Variants in MTA3 observed in about 807,000 individuals in gnomAD.
MTA3 encodes the protein metastasis associated 1 family member 3.
Under a neutral mutation model 83.5 loss-of-function variants are expected in MTA3, and 34 were observed. The observed-to-expected ratio is 0.41, with a 90% CI of 0.31 to 0.54. The LOEUF is 0.54. Among genes scored for constraint, MTA3 ranks in the 20% least tolerant of loss-of-function variants. MTA3 has a pLI of 0.33. For missense variants in MTA3, 761 were observed against 726.4 expected, an observed-to-expected ratio of 1.05 and a Z score of -0.55; for synonymous variants, 303 against 252.7, an observed-to-expected ratio of 1.20 and a Z score of -1.89.
chr2:42,740,448 GC>G (rs145449148), intron 16 of MTA3, among the ~76,000 whole-genome samples: 1,777 of 152,312 alleles, frequency 0.012, 31 homozygotes, highest in African/African-American at 0.041. Context: ...GGAGGTCGAG[GC>G]CCAGTGAGCC....
In MTA3 at chr2:42,650,748, A is replaced by G. The variant is rs547538692; in HGVS notation, c.500-5452A>G. ...CCTTGATTGTGTTTGTTTTTATGGT[A>G]GTACATACAACATTGTTTTGATTAC... On this transcript the variant is annotated intron_variant, in intron 6 of 16. Transcript: ENST00000405094. Among the ~76,000 whole-genome samples the G allele has an allele frequency of 2.6e-5, 4 of 152,336 alleles. No individual in the cohort carries two copies. The East Asian group carries it at 5.8e-4, about 22-fold the overall frequency.
intron 4 of MTA3, among the ~76,000 whole-genome samples, chr2:42,625,198 A>T (rs1007093326): frequency 1.3e-5 from 2 of 151,268 alleles, no homozygotes; most frequent in Non-Finnish European, 2.9e-5. Context: ...TGCCTGTCTA[A>T]TTTTTGTATT....
chr2:42,719,946 T>G (rs770397728), intron 15 of MTA3, among the ~76,000 whole-genome samples: 3 of 152,190 alleles, frequency 2.0e-5, no homozygotes, highest in Non-Finnish European at 4.4e-5. Context: ...CTCATAGTTC[T>G]TTTTCAGTAA....
intron 2 of MTA3, among the ~76,000 whole-genome samples, chr2:42,573,088 G>A (rs779645005): frequency 6.6e-6 from 1 of 152,174 alleles, no homozygotes; most frequent in African/African-American, 2.4e-5. Flanking sequence ...ATTTTCTAAT[G>A]ATGTTTTGTT....
chr2:42,540,043 T>C (rs974234001), intron 2 of MTA3, among the ~76,000 whole-genome samples: 1 of 152,100 alleles, frequency 6.6e-6, no homozygotes, highest in Non-Finnish European at 1.5e-5. Flanking sequence ...TGGCTGGAAA[T>C]TTTTAAATAA....
At chr2:42,548,840 A>ATATAATATATATATATATAATATATATG (rs1346817475) in intron 2 of MTA3, among the ~76,000 whole-genome samples, 18 of 12,572 alleles carry the variant, frequency 1.4e-3, no homozygotes, top group Non-Finnish European at 2.8e-3. Context: ...ATATATATAT[A>ATATAATATATATATATATAATATATATG]TATATAATAT....
intron 2 of MTA3, among the ~76,000 whole-genome samples, chr2:42,502,207 G>A (rs1674428118): frequency 6.6e-6 from 1 of 152,274 alleles, no homozygotes; most frequent in African/African-American, 2.4e-5. Context: ...ATTTGCAATT[G>A]ATTAAGGAGT....
intron 2 of MTA3, among the ~76,000 whole-genome samples, chr2:42,553,005 G>C (rs2103780363): frequency 6.6e-6 from 1 of 151,692 alleles, no homozygotes; most frequent in South Asian, 2.1e-4. Context: ...GGCTGAGTAT[G>C]ATGGCTCACA....
chr2:42,545,959 A>G (rs2103758387), intron 2 of MTA3, among the ~76,000 whole-genome samples: 1 of 152,272 alleles, frequency 6.6e-6, no homozygotes, highest in South Asian at 2.1e-4. Context: ...TCCCAGAAAG[A>G]TTTCAAGAAA....
intron 14 of MTA3, among the ~76,000 whole-genome samples, chr2:42,711,106 G>A (rs1013414102): frequency 6.6e-6 from 1 of 151,060 alleles, no homozygotes; most frequent in Non-Finnish European, 1.5e-5. Context: ...AAATTAAAAA[G>A]TAAAACATTT....
At chr2:42,704,104 TTAAA>T (rs1665857069) in intron 11 of MTA3, 86 bp from the exon 12 acceptor site, 5 of 1,378,420 alleles carry the variant, frequency 3.6e-6, no homozygotes, top group Non-Finnish European at 4.9e-6. Flanking sequence ...TTTATGTTTA[TTAAA>T]TAGTGACGGT....
intron 6 of MTA3, among the ~76,000 whole-genome samples, chr2:42,653,177 A>C (rs1395364208): frequency 6.6e-6 from 1 of 152,202 alleles, no homozygotes; most frequent in Non-Finnish European, 1.5e-5. Context: ...ACAATCACAC[A>C]TTTAGTTGGG....
intron 4 of MTA3, 105 bp downstream of exon 4, chr2:42,609,689 A>C: frequency 2.3e-6 from 3 of 1,291,388 alleles, no homozygotes; most frequent in Non-Finnish European, 3.2e-6. Flanking sequence ...TGCTTAAACT[A>C]CTTTGCTAAA....
intron 4 of MTA3, among the ~76,000 whole-genome samples, chr2:42,622,206 C>T (rs977953424): frequency 2.8e-4 from 42 of 152,166 alleles, no homozygotes; most frequent in Admixed American, 2.0e-4. Flanking sequence ...AGCTGGAGAC[C>T]AGCCCGGCCA....
chr2:42,534,791 G>T (rs909187199), intron 2 of MTA3, among the ~76,000 whole-genome samples: 1 of 151,964 alleles, frequency 6.6e-6, no homozygotes, highest in Non-Finnish European at 1.5e-5. Flanking sequence ...TTAGCGTTGT[G>T]TGGATTCCTT....
intron 16 of MTA3, among the ~76,000 whole-genome samples, chr2:42,735,499 A>G (rs1035337446): frequency 6.6e-6 from 1 of 152,114 alleles, no homozygotes; most frequent in Non-Finnish European, 1.5e-5. Context: ...TTAAATATTG[A>G]TATCTTTCTC....
At chr2:42,541,877 C>T (rs534680612) in intron 2 of MTA3, among the ~76,000 whole-genome samples, 1 of 152,160 alleles carries the variant, frequency 6.6e-6, no homozygotes, top group Non-Finnish European at 1.5e-5. Flanking sequence ...CAGATGGCTA[C>T]TGTCAATTAG....
chr2:42,620,151 C>T (rs569265202), intron 4 of MTA3, among the ~76,000 whole-genome samples: 1 of 144,238 alleles, frequency 6.9e-6, no homozygotes, highest in East Asian at 2.0e-4. Flanking sequence ...AAGAGTCTTG[C>T]TCTGTCGCCC....
At chr2:42,510,085 G>A (rs539417361) in intron 2 of MTA3, among the ~76,000 whole-genome samples, 62 of 152,232 alleles carry the variant, frequency 4.1e-4, no homozygotes, top group African/African-American at 1.5e-3. Flanking sequence ...CAGCACTTTG[G>A]GGGGCCAAGG....
Sources: allele counts gnomAD v4.1 joint callset (sites outside exome capture counted in the v4.1 genomes callset), GRCh38; gene constraint gnomAD v4.1.1; transcripts MANE v1.5; gene names NCBI Gene and HGNC (gene_info 2026-07-23, HGNC 2026-07-21).